The following ENPP6 variants were observed in gnomAD, a reference collection of about 807,000 sequenced individuals.
ENPP6 encodes glycerophosphocholine cholinephosphodiesterase ENPP6.
Under a neutral mutation model 42.0 loss-of-function variants are expected in ENPP6, and 32 were observed. The ratio of observed to expected loss-of-function variants is 0.76; its 90% CI spans 0.58 to 1.02. The LOEUF is 1.02. Among genes scored for constraint, ENPP6 ranks in the 50% least tolerant of loss-of-function variants. The pLI, the probability that ENPP6 is intolerant of heterozygous loss-of-function variation, is 0.00. For synonymous variants in ENPP6, 213 were observed against 216.0 expected (o/e 0.99, Z 0.12); for missense variants, 552 against 566.8 (o/e 0.97, Z 0.27).
At chr4:184,195,193 A>G (rs1055652269) in intron 1 of ENPP6, among the ~76,000 whole-genome samples, 4 of 152,180 alleles carry the variant, frequency 2.6e-5, no homozygotes, top group African/African-American at 9.7e-5. Context: ...AACTTGTGTC[A>G]CGTGGGTTTG....
At chr4:184,158,213 T>G (rs1431672777) in intron 1 of ENPP6, among the ~76,000 whole-genome samples, 1 of 152,182 alleles carries the variant, frequency 6.6e-6, no homozygotes, top group Admixed American at 6.5e-5. Context: ...TAGGTTCAAG[T>G]ATAAACTCTA....
At chr4:184,190,004 G>T (rs1196809239) in intron 1 of ENPP6, among the ~76,000 whole-genome samples, 2 of 152,186 alleles carry the variant, frequency 1.3e-5, no homozygotes, top group Non-Finnish European at 2.9e-5. Context: ...CAGAAGCATT[G>T]CCTTTTTATT....
chr4:184,162,576 A>G (rs6810661), intron 1 of ENPP6, among the ~76,000 whole-genome samples: 6,002 of 145,284 alleles, frequency 0.041, 343 homozygotes, highest in African/African-American at 0.12. Flanking sequence ...AGGAAGGAAG[A>G]AAGGAAGGAA....
intron 1 of ENPP6, among the ~76,000 whole-genome samples, chr4:184,197,799 G>C (rs1201987516): frequency 6.6e-6 from 1 of 152,214 alleles, no homozygotes; most frequent in Non-Finnish European, 1.5e-5. Context: ...GTCACTCATA[G>C]AAATGTGCAA....
At chr4:184,190,127 G>A (rs1732693888) in intron 1 of ENPP6, among the ~76,000 whole-genome samples, 1 of 152,160 alleles carries the variant, frequency 6.6e-6, no homozygotes, top group South Asian at 2.1e-4. Context: ...CGCCGTCTCT[G>A]AGAAATTTTC....
At chr4:184,175,027 T>C (rs1312898561) in intron 1 of ENPP6, among the ~76,000 whole-genome samples, 1 of 152,226 alleles carries the variant, frequency 6.6e-6, no homozygotes, top group East Asian at 1.9e-4. Flanking sequence ...AACAAGGCGC[T>C]GGGCTCAGCA....
chr4:184,174,499 A>G (rs1561001417), intron 1 of ENPP6, among the ~76,000 whole-genome samples: 3 of 151,966 alleles, frequency 2.0e-5, no homozygotes, highest in East Asian at 3.9e-4. Flanking sequence ...GGAAACATCT[A>G]CTCTCTGTGA....
At chr4:184,106,560 C>T (rs748171705) in intron 6 of ENPP6, among the ~76,000 whole-genome samples, 3 of 152,244 alleles carry the variant, frequency 2.0e-5, no homozygotes, top group Non-Finnish European at 2.9e-5. Flanking sequence ...TCCCGCCTGA[C>T]CACTGAGCAC....
At chr4:184,180,073 G>A (rs377094346) in intron 1 of ENPP6, among the ~76,000 whole-genome samples, 1 of 135,686 alleles carries the variant, frequency 7.4e-6, no homozygotes, top group Non-Finnish European at 1.6e-5. Context: ...AAAAATCAAC[G>A]AATCCAGGAG....
At chr4:184,115,610 G>A (rs529744544) in intron 5 of ENPP6, among the ~76,000 whole-genome samples, 18 of 152,242 alleles carry the variant, frequency 1.2e-4, no homozygotes, top group Admixed American at 9.2e-4. Flanking sequence ...TGGGCTCAGC[G>A]TGCTTCCATA....
chr4:184,164,512 AGAT>A (rs1355217526), intron 1 of ENPP6, among the ~76,000 whole-genome samples: 2 of 152,172 alleles, frequency 1.3e-5, no homozygotes, highest in African/African-American at 2.4e-5. Context: ...CCCCCAGGGA[AGAT>A]GATGTTTGGA....
chr4:184,131,259 T>TTCCTTCCTTCCTTCCTTCCTTCCTTC (rs1553996065), intron 2 of ENPP6, among the ~76,000 whole-genome samples: 1 of 73,346 alleles, frequency 1.4e-5, no homozygotes, highest in East Asian at 3.4e-4. Flanking sequence ...TTTCTCTTTC[T>TTCCTTCCTTCCTTCCTTCCTTCCTTC]CTTCCTTCCT....
chr4:184,115,361 G>A (rs1480732377), intron 5 of ENPP6, among the ~76,000 whole-genome samples: 1 of 152,196 alleles, frequency 6.6e-6, no homozygotes, highest in Non-Finnish European at 1.5e-5. Flanking sequence ...GGAACTCGGG[G>A]GACAAGCAGC....
In ENPP6 at chr4:184,113,548, C is replaced by T. The variant is rs149389489; in HGVS notation, c.856-739G>A. Among the ~76,000 whole-genome samples, 862 of 152,240 alleles carry T rather than the reference C, an allele frequency of 5.7e-3. 7 individuals carry two copies. Among genetic ancestry groups the T allele is most frequent in the Admixed American group, 0.012 (176 of 15,296 alleles). On this transcript the variant is annotated intron_variant, in intron 5 of 7. Transcript: ENST00000296741. Reference sequence around the variant, plus strand: ...TATTCATTTTCTAATAATGTCAAAACGCCCATGCTCTAATATTATGTCAAA... The same window carrying T: ...TATTCATTTTCTAATAATGTCAAAATGCCCATGCTCTAATATTATGTCAAA...
chr4:184,133,302 T>G (rs1445451814), intron 2 of ENPP6, among the ~76,000 whole-genome samples: 2 of 152,206 alleles, frequency 1.3e-5, no homozygotes, highest in African/African-American at 4.8e-5. Context: ...TATTTAGGTC[T>G]TTTTACATTT....
chr4:184,185,196 G>A (rs987228050), intron 1 of ENPP6, among the ~76,000 whole-genome samples: 2 of 152,208 alleles, frequency 1.3e-5, no homozygotes, highest in Non-Finnish European at 2.9e-5. Context: ...TAGAACTACA[G>A]GGTCATGGGT....
intron 3 of ENPP6, 51 bp downstream of exon 3, chr4:184,124,110 A>G: frequency 7.3e-7 from 1 of 1,374,488 alleles, no homozygotes. Context: ...ATCCATGATC[A>G]GTCCTGGAAA....
chr4:184,148,839 A>T (rs1238869079), intron 2 of ENPP6, among the ~76,000 whole-genome samples: 1 of 152,246 alleles, frequency 6.6e-6, no homozygotes. Flanking sequence ...GTATGTTATC[A>T]CATCAAGGAC....
intron 3 of ENPP6, among the ~76,000 whole-genome samples, chr4:184,119,103 C>T (rs1413288994): frequency 6.6e-6 from 1 of 152,194 alleles, no homozygotes; most frequent in East Asian, 1.9e-4. Flanking sequence ...GTCTAATAAG[C>T]TTGCTTGAGT....
Sources: gnomAD v4.1 joint callset for allele counts (sites outside exome capture counted in the v4.1 genomes callset) on GRCh38, gnomAD v4.1.1 for gene constraint, MANE v1.5 for transcripts, NCBI Gene and HGNC (gene_info 2026-07-23, HGNC 2026-07-21) for gene names.